GABRB1: variants seen among roughly 807,000 people sequenced by gnomAD.
The protein encoded by GABRB1 is gamma-aminobutyric acid type A receptor subunit beta1, also known as gamma-aminobutyric acid receptor subunit beta-1.
GABRB1 carries 17 observed loss-of-function variants against 51.6 expected under a neutral mutation model. That is an observed-to-expected ratio of 0.33 (90% CI 0.23 to 0.49). The LOEUF (loss-of-function observed/expected upper bound fraction) is 0.49. Ranked by LOEUF, GABRB1 falls within the 20% of genes least tolerant of loss-of-function variation. GABRB1 has a pLI of 0.99. For synonymous variants in GABRB1, 247 were observed against 218.9 expected, an observed-to-expected ratio of 1.13 and a Z score of -1.14; for missense variants, 410 against 600.6, an observed-to-expected ratio of 0.68 and a Z score of 3.32.
chr4:47,208,824 T>C (rs1316549907), intron 4 of GABRB1, among the ~76,000 whole-genome samples: 1 of 152,038 alleles, frequency 6.6e-6, no homozygotes, highest in African/African-American at 2.4e-5. Context: ...TATAGTTGGG[T>C]CCATCTGAGA....
chr4:47,151,267 G>A (rs867103977), intron 3 of GABRB1, among the ~76,000 whole-genome samples: 35 of 151,894 alleles, frequency 2.3e-4, no homozygotes, highest in Admixed American at 7.9e-4. Context: ...TCAGTCAAGA[G>A]TTCCTAAAAC....
intron 3 of GABRB1, among the ~76,000 whole-genome samples, chr4:47,064,068 TA>T (rs1726953488): frequency 6.6e-6 from 1 of 151,942 alleles, no homozygotes; most frequent in East Asian, 1.9e-4. Flanking sequence ...TAAATTAAAT[TA>T]AAAAAATAAT....
intron 5 of GABRB1, among the ~76,000 whole-genome samples, chr4:47,382,784 C>G (rs1727638833): frequency 6.6e-6 from 1 of 152,212 alleles, no homozygotes; most frequent in Admixed American, 6.5e-5. Context: ...ATTTGCAGGA[C>G]TTCCTATTTC....
rs367708916 is a variant in GABRB1 at position 47,350,183 on chromosome 4, T to TTATATATA, written c.544+30003_544+30010dup. ...TAAAATATTTCCTCTTGGGCTCAGA[T>TTATATATA]TATATATATATATATATATATATAT... On this transcript the variant is annotated intron_variant, in intron 5 of 8. Coordinates refer to ENST00000295454, the MANE Select transcript of GABRB1 (RefSeq NM_000812.4). Among the ~76,000 whole-genome samples, 41 of 87,718 alleles carry TTATATATA rather than the reference T, an allele frequency of 4.7e-4. 1 individual carries two copies. Among genetic ancestry groups the TTATATATA allele is most frequent in the East Asian group, 1.8e-3 (5 of 2,788 alleles). 57.5% of individuals were successfully genotyped at this position (87,718 alleles called of 152,430 possible). A position where few individuals can be genotyped will look rare whatever the true frequency, so the allele number is the denominator to read the frequency against.
intron 1 of GABRB1, among the ~76,000 whole-genome samples, chr4:47,008,090 A>T (rs1265105928): frequency 6.6e-6 from 1 of 151,918 alleles, no homozygotes; most frequent in East Asian, 1.9e-4. Context: ...AAATAAGAGG[A>T]AAGATTAGAG....
chr4:47,183,859 C>T (rs937361334), intron 4 of GABRB1, among the ~76,000 whole-genome samples: 9 of 151,950 alleles, frequency 5.9e-5, no homozygotes, highest in African/African-American at 2.2e-4. Context: ...TCATTGACCT[C>T]CAGCTTCTTT....
intron 5 of GABRB1, among the ~76,000 whole-genome samples, chr4:47,333,529 A>G (rs1725581694): frequency 6.6e-6 from 1 of 152,110 alleles, no homozygotes; most frequent in Admixed American, 6.6e-5. Context: ...AGCCTGGCCA[A>G]CCTGGCGAAA....
chr4:47,060,678 A>T (rs754666371), intron 3 of GABRB1, among the ~76,000 whole-genome samples: 2 of 152,138 alleles, frequency 1.3e-5, no homozygotes, highest in African/African-American at 2.4e-5. Flanking sequence ...TTCCACTTCA[A>T]TACTCGTTCC....
At chr4:47,068,408 C>T (rs1472097299) in intron 3 of GABRB1, among the ~76,000 whole-genome samples, 1 of 152,206 alleles carries the variant, frequency 6.6e-6, no homozygotes, top group Non-Finnish European at 1.5e-5. Context: ...AATTTTCAGC[C>T]TATCTGGGCT....
At chr4:47,371,828 C>T (rs375913823) in intron 5 of GABRB1, among the ~76,000 whole-genome samples, 9 of 152,116 alleles carry the variant, frequency 5.9e-5, no homozygotes, top group South Asian at 2.1e-4. Flanking sequence ...CTTGTAGACT[C>T]TGGATATTAG....
At chr4:47,297,872 C>T (rs1210118079) in intron 4 of GABRB1, among the ~76,000 whole-genome samples, 1 of 152,172 alleles carries the variant, frequency 6.6e-6, no homozygotes, top group Non-Finnish European at 1.5e-5. Context: ...TCCAGCAGCA[C>T]ATCAAAAAGC....
chr4:47,039,048 C>A (rs1725717429), intron 3 of GABRB1, among the ~76,000 whole-genome samples: 1 of 151,982 alleles, frequency 6.6e-6, no homozygotes, highest in African/African-American at 2.4e-5. Flanking sequence ...TAGCATTTAA[C>A]AATCTATTAT....
chr4:47,371,143 T>C (rs1553879528), intron 5 of GABRB1, among the ~76,000 whole-genome samples: 1 of 139,364 alleles, frequency 7.2e-6, no homozygotes, highest in Non-Finnish European at 1.5e-5. Flanking sequence ...TATGTCCATG[T>C]GTTCTCATCG....
At chr4:47,037,745 T>G (rs1179363728) in intron 3 of GABRB1, among the ~76,000 whole-genome samples, 8 of 152,158 alleles carry the variant, frequency 5.3e-5, no homozygotes, top group Admixed American at 3.9e-4. Context: ...TTATCAGTGC[T>G]TTACATTAAT....
chr4:47,413,223 T>TATC (rs1387477442), intron 8 of GABRB1, among the ~76,000 whole-genome samples: 3 of 152,250 alleles, frequency 2.0e-5, no homozygotes, highest in Non-Finnish European at 4.4e-5. Flanking sequence ...TTGCCCTTAC[T>TATC]ATCTGTCTAA....
chr4:47,331,079 A>C (rs1051222295), intron 5 of GABRB1, among the ~76,000 whole-genome samples: 4 of 152,180 alleles, frequency 2.6e-5, no homozygotes, highest in Non-Finnish European at 5.9e-5. Flanking sequence ...CCCCATTGTC[A>C]AGGAAATTAG....
chr4:47,062,599 A>G (rs977153127), intron 3 of GABRB1, among the ~76,000 whole-genome samples: 1 of 152,102 alleles, frequency 6.6e-6, no homozygotes, highest in Non-Finnish European at 1.5e-5. Context: ...CAAAAGCAAT[A>G]TTTATTTAAC....
intron 3 of GABRB1, among the ~76,000 whole-genome samples, chr4:47,088,081 A>G (rs1222128942): frequency 2.0e-5 from 3 of 152,234 alleles, no homozygotes; most frequent in Non-Finnish European, 4.4e-5. Flanking sequence ...CATGGAAGAC[A>G]AGAAATATGA....
At chr4:47,050,489 G>A (rs771442988) in intron 3 of GABRB1, among the ~76,000 whole-genome samples, 4 of 151,918 alleles carry the variant, frequency 2.6e-5, no homozygotes, top group Non-Finnish European at 4.4e-5. Flanking sequence ...TTCCCAAGAA[G>A]CATTTTGGAA....
Sources: gnomAD v4.1 joint callset for allele counts (sites outside exome capture counted in the v4.1 genomes callset) on GRCh38, gnomAD v4.1.1 for gene constraint, MANE v1.5 for transcripts, NCBI Gene and HGNC (gene_info 2026-07-23, HGNC 2026-07-21) for gene names.